Variants in TENM3 observed in about 807,000 individuals in gnomAD.
TENM3 encodes teneurin-3.
In TENM3, 63 loss-of-function variants were observed where a neutral mutation model predicts 255.1. The ratio of observed to expected loss-of-function variants is 0.25; its 90% CI spans 0.20 to 0.30. TENM3 has a LOEUF of 0.30. Among genes scored for constraint, TENM3 ranks in the 10% least tolerant of loss-of-function variants. TENM3 has a pLI of 1.00. For synonymous variants in TENM3, 1,306 were observed against 1,322.3 expected (o/e 0.99, Z 0.27); for missense variants, 2,929 against 3,461.1 (o/e 0.85, Z 3.86).
At chr4:182,287,065 A>G (rs1760778890) in intron 1 of TENM3, among the ~76,000 whole-genome samples, 1 of 152,136 alleles carries the variant, frequency 6.6e-6, no homozygotes, top group Admixed American at 6.5e-5. Context: ...CGTCTCTACA[A>G]AAAAGTTTAA....
chr4:181,894,602 C>T, the TENM3 span, among the ~76,000 whole-genome samples: 5,903 of 152,094 alleles, frequency 0.039, 398 homozygotes, highest in African/African-American at 0.13. Context: ...GGAAGTCGAA[C>T]TTTTTCTTTT....
chr4:182,117,834 C>T, the TENM3 span, among the ~76,000 whole-genome samples: 1 of 152,228 alleles, frequency 6.6e-6, no homozygotes, highest in African/African-American at 2.4e-5. Context: ...AAAAAACTTA[C>T]TAAGATTTAA....
chr4:182,779,651 T>G (rs1186467257), intron 24 of TENM3, among the ~76,000 whole-genome samples: 3 of 152,116 alleles, frequency 2.0e-5, no homozygotes, highest in African/African-American at 7.2e-5. Context: ...TCCACAATGG[T>G]TGAACTAGTT....
At chr4:182,225,180 G>A (rs1236470051) in intron 1 of TENM3, among the ~76,000 whole-genome samples, 4 of 152,162 alleles carry the variant, frequency 2.6e-5, no homozygotes, top group Non-Finnish European at 5.9e-5. Flanking sequence ...AAAGCCTGTA[G>A]CCCAATGCCT....
the TENM3 span, among the ~76,000 whole-genome samples, chr4:181,680,216 T>G: frequency 6.6e-6 from 1 of 152,160 alleles, no homozygotes; most frequent in African/African-American, 2.4e-5. Context: ...GTCTATAAAC[T>G]AATGCTTTAA....
chr4:182,322,845 C>T (rs953182627), intron 1 of TENM3, among the ~76,000 whole-genome samples: 2 of 152,210 alleles, frequency 1.3e-5, no homozygotes, highest in South Asian at 2.1e-4. Context: ...AAGGATACTA[C>T]AGGAACCAAG....
chr4:181,731,937 A>G, the TENM3 span, among the ~76,000 whole-genome samples: 6 of 152,286 alleles, frequency 3.9e-5, no homozygotes, highest in South Asian at 1.2e-3. Flanking sequence ...AACTGAAGGG[A>G]CCATAAGATG....
chr4:182,796,892 G>GA (rs938666763), intron 27 of TENM3, 125 bp downstream of exon 27: 83 of 664,776 alleles, frequency 1.2e-4, no homozygotes, highest in Admixed American at 1.9e-4. Context: ...CTGTTTTAGG[G>GA]AAAAAAAACA....
the TENM3 span, among the ~76,000 whole-genome samples, chr4:181,602,704 G>A: frequency 6.6e-6 from 1 of 152,096 alleles, no homozygotes; most frequent in Non-Finnish European, 1.5e-5. Context: ...AAAACTCAGG[G>A]TGTTAGTATT....
At chr4:182,591,255 G>C (rs1746617604) in intron 3 of TENM3, among the ~76,000 whole-genome samples, 1 of 151,964 alleles carries the variant, frequency 6.6e-6, no homozygotes, top group Admixed American at 6.6e-5. Context: ...GAGAGAGAAA[G>C]AGAGAGAGAA....
the TENM3 span, among the ~76,000 whole-genome samples, chr4:181,926,611 G>A: frequency 6.6e-6 from 1 of 152,028 alleles, no homozygotes; most frequent in Non-Finnish European, 1.5e-5. Flanking sequence ...CCTTGAAGCT[G>A]TTGCATTTCC....
the TENM3 span, among the ~76,000 whole-genome samples, chr4:182,016,541 A>G: frequency 2.6e-5 from 4 of 152,136 alleles, no homozygotes; most frequent in African/African-American, 9.7e-5. Flanking sequence ...AGGACTTTTG[A>G]GAGCAGACAA....
chr4:182,624,036 C>A (rs1750575326), intron 4 of TENM3, among the ~76,000 whole-genome samples: 1 of 149,986 alleles, frequency 6.7e-6, no homozygotes, highest in Non-Finnish European at 1.5e-5. Flanking sequence ...AGATGTAAGG[C>A]ACAGGTTTCC....
the TENM3 span, among the ~76,000 whole-genome samples, chr4:182,012,367 T>C: frequency 9.9e-5 from 15 of 152,204 alleles, no homozygotes; most frequent in African/African-American, 3.4e-4. Flanking sequence ...TTCCTTATCC[T>C]TCTGAAATCA....
At chr4:182,206,271 A>G (rs1754569789) in intron 1 of TENM3, among the ~76,000 whole-genome samples, 1 of 152,012 alleles carries the variant, frequency 6.6e-6, no homozygotes, top group East Asian at 1.9e-4. Context: ...GCCCTGCTCT[A>G]TTGTCAGATT....
chr4:181,643,443 C>T, the TENM3 span, among the ~76,000 whole-genome samples: 1 of 152,150 alleles, frequency 6.6e-6, no homozygotes, highest in East Asian at 1.9e-4. Context: ...CAAACAGAGA[C>T]AATTTGACTT....
intron 3 of TENM3, among the ~76,000 whole-genome samples, chr4:182,574,706 T>C (rs1195960664): frequency 6.6e-6 from 1 of 152,108 alleles, no homozygotes; most frequent in Non-Finnish European, 1.5e-5. Context: ...TTTTCTCTTC[T>C]CCTACCCTAC....
chr4:182,648,745 C>T (rs925180292), intron 5 of TENM3, among the ~76,000 whole-genome samples: 1 of 152,158 alleles, frequency 6.6e-6, no homozygotes, highest in Non-Finnish European at 1.5e-5. Context: ...TCCTAGAGGT[C>T]ATCACCATGG....
At chr4:182,393,534 C>G (rs1424547864) in intron 3 of TENM3, among the ~76,000 whole-genome samples, 1 of 152,070 alleles carries the variant, frequency 6.6e-6, no homozygotes, top group African/African-American at 2.4e-5. Flanking sequence ...ATATGTGCTG[C>G]CAAAACATAA....
Sources: allele counts gnomAD v4.1 joint callset (sites outside exome capture counted in the v4.1 genomes callset), GRCh38; gene constraint gnomAD v4.1.1; transcripts MANE v1.5; gene names NCBI Gene and HGNC (gene_info 2026-07-23, HGNC 2026-07-21).